Variants in PTPRG observed in about 807,000 individuals in gnomAD.
The protein encoded by PTPRG is protein tyrosine phosphatase receptor type G.
In PTPRG, 102 loss-of-function variants were observed where a neutral mutation model predicts 165.3. The ratio of observed to expected loss-of-function variants is 0.62; its 90% CI spans 0.53 to 0.73. The LOEUF (loss-of-function observed/expected upper bound fraction) is 0.73, where lower values mean the gene tolerates loss of function less well. Ranked by LOEUF, PTPRG falls within the 30% of genes least tolerant of loss-of-function variation. The pLI, the probability that PTPRG is intolerant of heterozygous loss-of-function variation, is 0.00. For missense variants in PTPRG, 1,866 were observed against 1,861.4 expected, an observed-to-expected ratio of 1.00 and a Z score of -0.05; for synonymous variants, 675 against 669.5, an observed-to-expected ratio of 1.01 and a Z score of -0.13.
intron 2 of PTPRG, among the ~76,000 whole-genome samples, chr3:61,774,429 A>C (rs1376921997): frequency 6.6e-6 from 1 of 152,148 alleles, no homozygotes; most frequent in Non-Finnish European, 1.5e-5. Context: ...ATATATACGA[A>C]ATGTGAGAGT....
At position 62,229,122 on chromosome 3, in the gene PTPRG, A is replaced by G. The variant is rs991421689; in HGVS notation, c.2289-2103A>G. Among the ~76,000 whole-genome samples, 3 of 152,182 alleles carry G rather than the reference A, an allele frequency of 2.0e-5. No homozygotes were observed. The highest frequency in any genetic ancestry group is 7.2e-5 in the African/African-American group (3 of 41,440). ...GTGGTGCCAAAATATGGCTTGCCTC[A>G]GAGGGTTTGAGTTTATGACGACACC... is the stretch of plus-strand genomic sequence containing the variant. On this transcript the variant is annotated intron_variant, in intron 13 of 29. Transcript: ENST00000474889. This position sits in a 1 kb window ranked among gnomAD's most constrained non-coding sequence, Gnocchi z 4.6.
intron 2 of PTPRG, among the ~76,000 whole-genome samples, chr3:61,924,362 T>G (rs1015830016): frequency 1.3e-5 from 2 of 152,200 alleles, no homozygotes; most frequent in East Asian, 1.9e-4. Flanking sequence ...GAAATGGAGT[T>G]TGTGGTGGAA....
intron 15 of PTPRG, among the ~76,000 whole-genome samples, chr3:62,250,333 T>A (rs1225555186): frequency 6.6e-6 from 1 of 152,148 alleles, no homozygotes; most frequent in Non-Finnish European, 1.5e-5. Context: ...AAGCATCTCA[T>A]CACTGGTGGC....
intron 1 of PTPRG, among the ~76,000 whole-genome samples, chr3:61,724,315 G>A (rs984158019): frequency 2.6e-5 from 4 of 151,882 alleles, no homozygotes; most frequent in African/African-American, 9.7e-5. Flanking sequence ...GTCATTGTGT[G>A]CACCAATAGT....
intron 2 of PTPRG, among the ~76,000 whole-genome samples, chr3:61,761,315 G>A (rs956310232): frequency 4.7e-4 from 71 of 152,112 alleles, no homozygotes; most frequent in African/African-American, 1.4e-3. Context: ...GGTGGCTCAC[G>A]CCTGTAATCC....
chr3:61,617,049 C>A (rs1298722162), intron 1 of PTPRG, among the ~76,000 whole-genome samples: 1 of 152,190 alleles, frequency 6.6e-6, no homozygotes, highest in East Asian at 1.9e-4. Flanking sequence ...GGTTTGTGTC[C>A]GAGGCTAGCT....
At chr3:61,772,289 G>A (rs543317825) in intron 2 of PTPRG, among the ~76,000 whole-genome samples, 1 of 152,062 alleles carries the variant, frequency 6.6e-6, no homozygotes, top group Non-Finnish European at 1.5e-5. Context: ...TGTTGAATGA[G>A]GAATTTAGGA....
At chr3:61,746,004 A>G (rs2033182966) in intron 1 of PTPRG, among the ~76,000 whole-genome samples, 1 of 151,682 alleles carries the variant, frequency 6.6e-6, no homozygotes, top group African/African-American at 2.4e-5. Context: ...GAAGGTTTAA[A>G]TATTTTATTT....
chr3:61,846,351 G>A (rs2036805799), intron 2 of PTPRG, among the ~76,000 whole-genome samples: 1 of 152,114 alleles, frequency 6.6e-6, no homozygotes, highest in Admixed American at 6.5e-5. Context: ...CCATGTGACG[G>A]TTGCAGGTCC....
intron 2 of PTPRG, among the ~76,000 whole-genome samples, chr3:61,906,509 C>A (rs1275464038): frequency 6.6e-6 from 1 of 151,922 alleles, no homozygotes; most frequent in Non-Finnish European, 1.5e-5. Flanking sequence ...GTGGCTCACA[C>A]CTGTAATCTC....
At chr3:62,179,684 G>T (rs1705573411) in intron 8 of PTPRG, among the ~76,000 whole-genome samples, 1 of 152,188 alleles carries the variant, frequency 6.6e-6, no homozygotes, top group Non-Finnish European at 1.5e-5. Flanking sequence ...GCCCACTCTC[G>T]GGCAGTGCCT....
rs150933625 is a variant in PTPRG, at chr3:62,254,438, A to G, written c.2468-686A>G. On this transcript the variant is annotated intron_variant, in intron 15 of 29. Coordinates refer to ENST00000474889, the MANE Select transcript of PTPRG (RefSeq NM_002841.4). The surrounding 1 kb of genome is among the most constrained non-coding windows in gnomAD (Gnocchi z 4.6). ...TTATGAACTGAAAGTCTCCTTTTGA[A>G]GTGACAACACGAAATAAATGGGAAT... 2.7e-3 allele frequency among the ~76,000 whole-genome samples: 414 copies of G among 152,268 alleles called. 1 individual carries two copies. The highest frequency in any genetic ancestry group is 9.4e-3 in the African/African-American group (392 of 41,566).
chr3:61,759,600 C>A (rs2033763186), intron 2 of PTPRG, among the ~76,000 whole-genome samples: 1 of 152,044 alleles, frequency 6.6e-6, no homozygotes, highest in South Asian at 2.1e-4. Flanking sequence ...CTGGAGTGAA[C>A]CCTGATCACA....
intron 7 of PTPRG, among the ~76,000 whole-genome samples, chr3:62,161,007 A>G (rs1270192033): frequency 2.0e-5 from 3 of 151,944 alleles, no homozygotes; most frequent in Non-Finnish European, 4.4e-5. Flanking sequence ...TTTGGAGGCA[A>G]ACTGCCTGGG....
At chr3:62,135,272 A>G (rs1191975678) in intron 6 of PTPRG, among the ~76,000 whole-genome samples, 1 of 133,836 alleles carries the variant, frequency 7.5e-6, no homozygotes, top group African/African-American at 2.9e-5. Context: ...TTCTGTCTCA[A>G]AAAAAAAAAA....
At chr3:61,956,081 G>C (rs2040019680) in intron 2 of PTPRG, among the ~76,000 whole-genome samples, 1 of 138,350 alleles carries the variant, frequency 7.2e-6, no homozygotes. Flanking sequence ...TGGACTAAGG[G>C]GAAAAAAATT....
chr3:62,132,493 G>A, intron 5 of PTPRG, 109 bp from the exon 6 acceptor site: 1 of 865,670 alleles, frequency 1.2e-6, no homozygotes, highest in South Asian at 1.4e-5. Flanking sequence ...GACCTAAGCA[G>A]CTTGCTAGAT....
At chr3:61,754,857 G>T (rs976317829) in intron 2 of PTPRG, among the ~76,000 whole-genome samples, 1 of 152,158 alleles carries the variant, frequency 6.6e-6, no homozygotes, top group Non-Finnish European at 1.5e-5. Context: ...AGAATGGAAG[G>T]CACTGTAGGA....
At chr3:61,586,012 A>G (rs1236121637) in intron 1 of PTPRG, among the ~76,000 whole-genome samples, 1 of 152,244 alleles carries the variant, frequency 6.6e-6, no homozygotes, top group Non-Finnish European at 1.5e-5. Context: ...CTATTGGATT[A>G]TAACATGAAT....
Sources: allele counts gnomAD v4.1 joint callset (sites outside exome capture counted in the v4.1 genomes callset), GRCh38; gene constraint gnomAD v4.1.1; non-coding constraint Gnocchi (gnomAD v3.1); transcripts MANE v1.5; gene names NCBI Gene and HGNC (gene_info 2026-07-23, HGNC 2026-07-21).